TBC1D8B: variants seen among roughly 807,000 people sequenced by gnomAD.
TBC1D8B encodes the protein TBC1 domain family member 8B, also known as RP11-321G1.1.
A neutral mutation model predicts 82.9 loss-of-function variants in TBC1D8B; 75 were observed. The ratio of observed to expected loss-of-function variants is 0.90; its 90% CI spans 0.75 to 1.10. TBC1D8B has a LOEUF of 1.10. Ranked by LOEUF, TBC1D8B falls within the 50% of genes least tolerant of loss-of-function variation. The probability of loss-of-function intolerance (pLI) is 0.00; values close to 1 mark genes in which losing one functional copy is unlikely to be tolerated. For missense variants in TBC1D8B, 794 were observed against 796.9 expected (o/e 1.00, Z 0.04); for synonymous variants, 276 against 276.8 (o/e 1.00, Z 0.03).
chrX:106,856,568 C>G (rs972235749), intron 14 of TBC1D8B, among the ~76,000 whole-genome samples: 1 of 109,967 alleles, frequency 9.1e-6, no homozygotes. Context: ...TTCTAAAAAC[C>G]AATTATTAAA....
chrX:106,833,291 T>C (rs183537184), intron 7 of TBC1D8B, among the ~76,000 whole-genome samples: 26 of 112,003 alleles, frequency 2.3e-4, no homozygotes, highest in African/African-American at 8.4e-4. Flanking sequence ...ATACCTGCTA[T>C]AGAGTTAACA....
At chrX:106,806,881 T>C (rs1931202868) in intron 1 of TBC1D8B, among the ~76,000 whole-genome samples, 1 of 111,921 alleles carries the variant, frequency 8.9e-6, no homozygotes, top group South Asian at 3.7e-4. Context: ...TTTATGATAT[T>C]TATATAGACT....
chrX:106,863,477 G>T (rs1178219174), intron 14 of TBC1D8B, among the ~76,000 whole-genome samples: 1 of 111,313 alleles, frequency 9.0e-6, no homozygotes, highest in Non-Finnish European at 1.9e-5. Flanking sequence ...TTACTGGGTC[G>T]GCCCTGTGGA....
At chrX:106,843,179 G>T (rs1325205233) in intron 10 of TBC1D8B, among the ~76,000 whole-genome samples, 5 of 110,905 alleles carry the variant, frequency 4.5e-5, no homozygotes, top group Admixed American at 1.9e-4. Context: ...TATGGACATT[G>T]CTTTATTATT....
chrX:106,862,385 G>A (rs1428871962), intron 14 of TBC1D8B, among the ~76,000 whole-genome samples: 2 of 111,766 alleles, frequency 1.8e-5, no homozygotes, highest in Non-Finnish European at 3.8e-5. Context: ...GGTCTATTCT[G>A]TTGTTAATGC....
At chrX:106,867,906 G>A (rs1187809569) in intron 17 of TBC1D8B, among the ~76,000 whole-genome samples, 1 of 111,231 alleles carries the variant, frequency 9.0e-6, no homozygotes, top group Non-Finnish European at 1.9e-5. Flanking sequence ...GCTACTGTTA[G>A]AATGTTTAAT....
At chrX:106,847,126 T>A (rs1020078021) in intron 10 of TBC1D8B, among the ~76,000 whole-genome samples, 2 of 111,837 alleles carry the variant, frequency 1.8e-5, no homozygotes, top group African/African-American at 6.5e-5. Flanking sequence ...AAAAGTATAG[T>A]TGGATGAAAA....
chrX:106,803,104 G>C, intron 1 of TBC1D8B, 121 bp downstream of exon 1: 1 of 863,338 alleles, frequency 1.2e-6, no homozygotes, highest in South Asian at 3.1e-5. Context: ...GGAGGGACTG[G>C]GGTTCTTCTC....
At position 106,873,855 on chromosome X, in the gene TBC1D8B, T is replaced by C; in HGVS notation, c.3253T>C (p.Ser1085Pro). 4 of 1,212,049 alleles carry C rather than the reference T, an allele frequency of 3.3e-6. No individual in the cohort carries two copies. The highest frequency in any genetic ancestry group is 5.9e-5 in the East Asian group (2 of 33,858). Reference protein sequence around the residue: ...WSFAFEQILASLLNEPALVRF... With the variant: ...WSFAFEQILAPLLNEPALVRF... ...ATTTGCATTTGAACAGATTCTTGCA[T>C]CGCTGTTGAATGAACCAGCATTGGT... The change falls in exon 21 of 21, where the codon TCG (serine) becomes CCG (proline). Residue 1085 changes from serine (S) to proline (P), a missense_variant. Ser to Pro is a moderately conservative substitution (Grantham distance 74). Transcript: ENST00000357242.
At chrX:106,861,602 G>C (rs1283638350) in intron 14 of TBC1D8B, among the ~76,000 whole-genome samples, 1 of 111,106 alleles carries the variant, frequency 9.0e-6, no homozygotes, top group Admixed American at 9.6e-5. Flanking sequence ...CTTTTACTTT[G>C]AGCCTTTGGA....
rs936450525 is a variant in TBC1D8B, at chrX:106,827,314, C to G, written c.1180C>G (p.Gln394Glu). 1 of 1,210,472 alleles carries G rather than the reference C, an allele frequency of 8.3e-7. No individual in the cohort carries two copies. The highest frequency in any genetic ancestry group is 2.2e-5 in the Admixed American group (1 of 45,875). The change falls in exon 7 of 21, where the codon CAA becomes GAA. Residue 394 changes from glutamine (Q) to glutamate (E), a missense_variant. Gln to Glu is a conservative substitution (Grantham distance 29, BLOSUM62 2). Coordinates refer to ENST00000357242, the MANE Select transcript of TBC1D8B (RefSeq NM_017752.3). Reference protein sequence around the residue: ...LRLRCGAASTQYHDISTELAI... With the variant: ...LRLRCGAASTEYHDISTELAI... Reference sequence around the variant, plus strand: ...GCTCAGATGCGGAGCAGCTTCAACTCAATATCATGATATTAGCACAGAGGT... The same window carrying G: ...GCTCAGATGCGGAGCAGCTTCAACTGAATATCATGATATTAGCACAGAGGT...
At chrX:106,812,304 G>C (rs1479524588) in intron 1 of TBC1D8B, among the ~76,000 whole-genome samples, 3 of 111,703 alleles carry the variant, frequency 2.7e-5, no homozygotes, top group African/African-American at 9.7e-5. Context: ...TTACTAATTA[G>C]TTTGTTTATT....
intron 1 of TBC1D8B, among the ~76,000 whole-genome samples, chrX:106,813,673 T>A (rs897283853): frequency 2.7e-5 from 3 of 112,099 alleles, no homozygotes; most frequent in African/African-American, 9.7e-5. Flanking sequence ...TTCCTTTATT[T>A]TGACAAATTT....
intron 14 of TBC1D8B, among the ~76,000 whole-genome samples, chrX:106,856,058 A>G (rs1932690650): frequency 8.9e-6 from 1 of 111,916 alleles, no homozygotes; most frequent in Admixed American, 9.5e-5. Context: ...AAACAAAACA[A>G]AATCTTCAAT....
intron 7 of TBC1D8B, among the ~76,000 whole-genome samples, chrX:106,834,122 C>T (rs926952231): frequency 9.0e-6 from 1 of 111,200 alleles, no homozygotes; most frequent in African/African-American, 3.3e-5. Flanking sequence ...CATCTGTTCT[C>T]ACGCTGCTAT....
chrX:106,813,529 T>G (rs925002810), intron 1 of TBC1D8B, among the ~76,000 whole-genome samples: 2 of 112,034 alleles, frequency 1.8e-5, no homozygotes, highest in African/African-American at 6.5e-5. Context: ...TGATTTTGAC[T>G]ACTCCTCTCA....
chrX:106,830,886 G>T (rs1168510577), intron 7 of TBC1D8B, among the ~76,000 whole-genome samples: 1 of 108,132 alleles, frequency 9.2e-6, no homozygotes, highest in Admixed American at 9.9e-5. Context: ...CATGGCACAT[G>T]TATACATATG....
Position 106,802,925 on chromosome X carries a change from C to G in TBC1D8B, c.72C>G (p.Asp24Glu). Residue 24 changes from aspartate (D) to glutamate (E), a missense_variant, in exon 1 of 21, where the codon GAC (aspartate) becomes GAG (glutamate). Coordinates refer to ENST00000357242, the MANE Select transcript of TBC1D8B (RefSeq NM_017752.3). ...TGTGGCTGATGGAAAGGTCCAACGA[C>G]TACTTCGTGCTGCAGCGGCGTCGGG... ...LKLWLMERSN[D>E]YFVLQRRRGY... 8.3e-7 allele frequency: 1 copy of G among 1,211,282 alleles called. No individual in the cohort carries two copies. Among genetic ancestry groups the G allele is most frequent in the South Asian group, 1.8e-5 (1 of 56,923 alleles).
rs764319799 is a variant in TBC1D8B at position 106,870,717 on chromosome X, C to T, written c.2871C>T (p.Gly957=). The T allele has an allele frequency of 2.5e-6, 3 of 1,187,360 alleles. No individual in the cohort carries two copies. The highest frequency in any genetic ancestry group is 3.5e-5 in the African/African-American group (2 of 56,349). ...AESAKHSPEK[G]KGKIDIQAYL... ...AATGGTTTTACTCCCTTTCTTCAGG[C>T]AAAGGGAAAATTGATATTCAAGCAT... is the stretch of plus-strand genomic sequence containing the variant. Residue 957 remains glycine (G), a splice_region_variant and synonymous_variant, in exon 20 of 21, where the codon GGC becomes GGT. Transcript: ENST00000357242.
Sources: gnomAD v4.1 joint callset for allele counts (sites outside exome capture counted in the v4.1 genomes callset) on GRCh38, gnomAD v4.1.1 for gene constraint, MANE v1.5 for transcripts, NCBI Gene and HGNC (gene_info 2026-07-23, HGNC 2026-07-21) for gene names.